The following MYOM1 variants were observed in gnomAD, a reference collection of about 807,000 sequenced individuals.
MYOM1 encodes myomesin-1.
Under a neutral mutation model 205.3 loss-of-function variants are expected in MYOM1, and 164 were observed. The observed-to-expected ratio is 0.80, with a 90% CI of 0.70 to 0.91. The LOEUF (loss-of-function observed/expected upper bound fraction) is 0.91. Ranked by LOEUF, MYOM1 falls within the 40% of genes least tolerant of loss-of-function variation. The pLI is 0.00. For synonymous variants in MYOM1, 772 were observed against 789.4 expected, an observed-to-expected ratio of 0.98 and a Z score of 0.37; for missense variants, 2,011 against 2,127.3, an observed-to-expected ratio of 0.95 and a Z score of 1.08.
intron 33 of MYOM1, among the ~76,000 whole-genome samples, chr18:3,080,167 T>A (rs1393307291): frequency 6.6e-6 from 1 of 152,030 alleles, no homozygotes; most frequent in Non-Finnish European, 1.5e-5. Flanking sequence ...CGTTAAAAAG[T>A]GGTATATAAA....
At chr18:3,196,599 G>A (rs1229310910) in intron 2 of MYOM1, among the ~76,000 whole-genome samples, 2 of 152,100 alleles carry the variant, frequency 1.3e-5, no homozygotes, top group African/African-American at 4.8e-5. Context: ...AGGGTTAATT[G>A]TGTGTGTGTG....
chr18:3,096,128 C>T (rs921478872), intron 25 of MYOM1, among the ~76,000 whole-genome samples: 15 of 152,204 alleles, frequency 9.9e-5, no homozygotes, highest in East Asian at 3.9e-4. Context: ...ACAGTGGGCA[C>T]GGAGCAAATG....
chr18:3,148,125 A>G (rs2080156804), intron 13 of MYOM1, among the ~76,000 whole-genome samples: 1 of 152,222 alleles, frequency 6.6e-6, no homozygotes, highest in South Asian at 2.1e-4. Context: ...ACTCTCACGT[A>G]GGGCTGGAGG....
intron 30 of MYOM1, 58 bp downstream of exon 30, chr18:3,085,980 G>A: frequency 9.4e-7 from 1 of 1,058,954 alleles, no homozygotes. Context: ...TTACTGTTTT[G>A]GGGTAAGATA....
chr18:3,110,511 C>T (rs1164678564), intron 22 of MYOM1, among the ~76,000 whole-genome samples: 1 of 152,174 alleles, frequency 6.6e-6, no homozygotes. Flanking sequence ...GGCAAACATG[C>T]TAGTCATTCA....
rs78897507 is a variant in MYOM1, at chr18:3,082,386, C to T, written c.4484+1403G>A. ...CTGTGTGACCTTAGGCCGGTCACCT[C>T]CCCGAGCCCTAGCTCCCTCATCCCT... On this transcript the variant is annotated intron_variant, in intron 33 of 37. Transcript: ENST00000356443. Among the ~76,000 whole-genome samples, 300 of 152,300 alleles carry T rather than the reference C, an allele frequency of 2.0e-3. 1 individual carries two copies. Among genetic ancestry groups the T allele is most frequent in the Non-Finnish European group, 3.7e-3 (255 of 68,016 alleles).
chr18:3,177,488 T>TTATTA (rs1567952010), intron 5 of MYOM1, among the ~76,000 whole-genome samples: 13 of 91,714 alleles, frequency 1.4e-4, no homozygotes, highest in African/African-American at 5.3e-4. Flanking sequence ...TATTATTATT[T>TTATTA]GAGACAGAGT....
At chr18:3,239,756 C>CA in the MYOM1 span, among the ~76,000 whole-genome samples, 2,968 of 42,134 alleles carry the variant, frequency 0.07, 332 homozygotes, top group African/African-American at 0.2. Flanking sequence ...CACCTTGTCT[C>CA]AAAAAAAAAA....
intron 19 of MYOM1, among the ~76,000 whole-genome samples, chr18:3,121,846 T>C (rs1002478683): frequency 2.6e-5 from 4 of 152,058 alleles, no homozygotes; most frequent in African/African-American, 4.8e-5. Context: ...AGGCCAGGTG[T>C]GGTGTCTGAC....
At chr18:3,155,320 C>T (rs2080282775) in intron 10 of MYOM1, among the ~76,000 whole-genome samples, 1 of 152,206 alleles carries the variant, frequency 6.6e-6, no homozygotes, top group Non-Finnish European at 1.5e-5. Flanking sequence ...CTCCCGGGTT[C>T]ACGCCATTCT....
intron 25 of MYOM1, among the ~76,000 whole-genome samples, chr18:3,099,509 C>T (rs537162346): frequency 6.6e-6 from 1 of 152,214 alleles, no homozygotes. Flanking sequence ...GCTTCACTAC[C>T]TTGGCCAGTG....
At chr18:3,069,781 C>T (rs2078939805) in intron 37 of MYOM1, among the ~76,000 whole-genome samples, 1 of 152,184 alleles carries the variant, frequency 6.6e-6, no homozygotes, top group African/African-American at 2.4e-5. Context: ...CTCTTATCCA[C>T]ACTTCAGATT....
intron 18 of MYOM1, 112 bp from the exon 19 acceptor site, chr18:3,127,009 A>G: frequency 1.1e-6 from 1 of 941,488 alleles, no homozygotes; most frequent in East Asian, 2.7e-5. Context: ...GTATAAAACT[A>G]AAATTCGAGG....
At chr18:3,236,729 G>T in the MYOM1 span, among the ~76,000 whole-genome samples, 1 of 152,198 alleles carries the variant, frequency 6.6e-6, no homozygotes, top group Non-Finnish European at 1.5e-5. Context: ...CTTGGCTAGA[G>T]ATACACACTT....
intron 29 of MYOM1, among the ~76,000 whole-genome samples, chr18:3,087,067 T>A (rs1019703503): frequency 6.6e-6 from 1 of 152,224 alleles, no homozygotes; most frequent in African/African-American, 2.4e-5. Context: ...ACAATCATTC[T>A]TTATGACCCT....
At chr18:3,094,358 G>T (rs2079270047) in intron 25 of MYOM1, 52 bp from the exon 26 acceptor site, 3 of 1,316,612 alleles carry the variant, frequency 2.3e-6, no homozygotes, top group South Asian at 1.4e-5. Flanking sequence ...CAATTATATT[G>T]GTACTCATTT....
rs370805813 is a variant in MYOM1 at position 3,193,006 on chromosome 18, T to G, written c.431+812A>C. ...CACCCAGGCCAGGTGTGGTGGCTCA[T>G]GCCTGTAATTCCAGCACTTTGGGAG... On this transcript the variant is annotated intron_variant, in intron 3 of 37. Coordinates refer to ENST00000356443, the MANE Select transcript of MYOM1 (RefSeq NM_003803.4). 2.3e-4 allele frequency among the ~76,000 whole-genome samples: 35 copies of G among 152,206 alleles called. No individual in the cohort carries two copies. The East Asian group carries it at 6.2e-3, about 27-fold the overall frequency.
At chr18:3,207,005 T>TA (rs1179252472) in intron 2 of MYOM1, among the ~76,000 whole-genome samples, 2 of 152,030 alleles carry the variant, frequency 1.3e-5, no homozygotes, top group African/African-American at 4.8e-5. Flanking sequence ...CAGTTTTTTT[T>TA]AAAAAAAACT....
intron 22 of MYOM1, among the ~76,000 whole-genome samples, chr18:3,107,181 G>A (rs1187081124): frequency 1.3e-5 from 2 of 152,078 alleles, no homozygotes; most frequent in African/African-American, 4.8e-5. Context: ...GCAGTGGCAC[G>A]ATCTCGGCTC....
Sources: allele counts gnomAD v4.1 joint callset (sites outside exome capture counted in the v4.1 genomes callset), GRCh38; gene constraint gnomAD v4.1.1; transcripts MANE v1.5; gene names NCBI Gene and HGNC (gene_info 2026-07-23, HGNC 2026-07-21).